ACAD9: variants seen among roughly 807,000 people sequenced by gnomAD.
ACAD9 encodes complex I assembly factor ACAD9, mitochondrial.
A neutral mutation model predicts 70.2 loss-of-function variants in ACAD9; 53 were observed. That is an observed-to-expected ratio of 0.75 (90% CI 0.61 to 0.95). The LOEUF is 0.95. Among genes scored for constraint, ACAD9 ranks in the 40% least tolerant of loss-of-function variants. The pLI, the probability that ACAD9 is intolerant of heterozygous loss-of-function variation, is 0.00. For missense variants in ACAD9, 777 were observed against 802.8 expected, an observed-to-expected ratio of 0.97 and a Z score of 0.39; for synonymous variants, 313 against 312.1, an observed-to-expected ratio of 1.00 and a Z score of -0.03.
Position 128,881,863 on chromosome 3 carries a change from A to G in ACAD9, c.150+2022A>G, listed in dbSNP as rs115020867. The stretch of plus-strand genomic sequence containing the variant: ...CGCTAAACAGTGACCAGTGTTTCCA[A>G]CTAGCCAAGTTGGAATTTACTAAGG... On this transcript the variant is annotated intron_variant, in intron 1 of 17. Coordinates refer to ENST00000308982, the MANE Select transcript of ACAD9 (RefSeq NM_014049.5). Among the ~76,000 whole-genome samples the G allele has an allele frequency of 5.5e-3, 843 of 152,292 alleles. 8 individuals are homozygous for G. Among genetic ancestry groups the G allele is most frequent in the African/African-American group, 0.019 (800 of 41,562 alleles).
At chr3:128,909,966 A>C in intron 15 of ACAD9, 55 bp from the exon 16 acceptor site, 1 of 1,603,814 alleles carries the variant, frequency 6.2e-7, no homozygotes, top group South Asian at 1.1e-5. Flanking sequence ...GGGAGGGACC[A>C]TGTGGGGGAC....
rs2107657717 is a variant in ACAD9, at chr3:128,904,072, T to TG, written c.970dup (p.Glu324GlyfsTer10). ...TCTGCTCTTCCTCAGAAATGACTGC[T>TG]GAGTACGCCTGCACAAGGAAACAGT... On this transcript the variant is annotated frameshift_variant, in exon 10 of 18. Transcript: ENST00000308982. LOFTEE classifies it high-confidence loss of function. The TG allele has an allele frequency of 1.2e-6, 2 of 1,614,234 alleles. No individual in the cohort carries two copies. The highest frequency in any genetic ancestry group is 1.7e-6 in the Non-Finnish European group (2 of 1,180,014).
At position 128,912,984 on chromosome 3, in the gene ACAD9, A is replaced by G. The variant is rs1191398940; in HGVS notation, c.*377A>G. On this transcript the variant is annotated 3_prime_UTR_variant, in exon 18 of 18. Transcript: ENST00000308982. ...TGTGGATAGCCATTTCTGCTCAACC[A>G]CACATTCTCTAAGAAACAGCTTGAA... 1.7e-5 allele frequency: 8 copies of G among 468,806 alleles called. No individual in the cohort carries two copies. The highest frequency in any genetic ancestry group is 3.4e-5 in the Non-Finnish European group (8 of 236,386). The allele number at this position is 468,806 out of a possible 1,614,324, so 29.0% of individuals were successfully genotyped here.
At position 128,903,953 on chromosome 3, in the gene ACAD9, G is replaced by A. The variant is rs1287703925; in HGVS notation, c.959-109G>A. Reference sequence around the variant, plus strand: ...TGGGGTATTTGACCTCAGCAGACACGCTTCTCACAGTGCCCACCTGTGGGA... The same window carrying A: ...TGGGGTATTTGACCTCAGCAGACACACTTCTCACAGTGCCCACCTGTGGGA... On this transcript the variant is annotated intron_variant, in intron 9 of 17. Coordinates refer to ENST00000308982, the MANE Select transcript of ACAD9 (RefSeq NM_014049.5). The A allele has an allele frequency of 3.0e-5, 35 of 1,166,202 alleles. No homozygotes were observed. In the Admixed American group the frequency reaches 3.2e-4, roughly 11 times the overall value. 72.2% of individuals were successfully genotyped at this position (1,166,202 alleles called of 1,614,324 possible).
intron 7 of ACAD9, among the ~76,000 whole-genome samples, chr3:128,900,090 C>A (rs563717801): frequency 4.6e-5 from 7 of 152,078 alleles, no homozygotes; most frequent in Admixed American, 1.3e-4. Context: ...CACCACCACA[C>A]CTGGCTAATT....
intron 1 of ACAD9, among the ~76,000 whole-genome samples, chr3:128,883,073 GTTTT>G (rs58094285): frequency 1.4e-5 from 2 of 139,110 alleles, no homozygotes; most frequent in East Asian, 4.2e-4. Context: ...CCATCAGCTT[GTTTT>G]TTTTTTTTTT....
At chr3:128,904,174 G>T (rs907335041) in intron 10 of ACAD9, 42 bp downstream of exon 10, 2 of 1,605,302 alleles carry the variant, frequency 1.2e-6, no homozygotes, top group African/African-American at 2.7e-5. Flanking sequence ...TTCACTGTGT[G>T]ACATGAACGG....
intron 2 of ACAD9, among the ~76,000 whole-genome samples, chr3:128,891,051 C>T (rs1479460799): frequency 6.6e-6 from 1 of 151,986 alleles, no homozygotes; most frequent in Admixed American, 6.5e-5. Flanking sequence ...ACTATATTGG[C>T]CAGGCTGGTC....
chr3:128,906,554 G>T (rs745922875), intron 12 of ACAD9, among the ~76,000 whole-genome samples: 3 of 152,208 alleles, frequency 2.0e-5, no homozygotes, highest in Non-Finnish European at 4.4e-5. Context: ...AGAGTGTAAA[G>T]AGGCAGGGAG....
intron 17 of ACAD9, among the ~76,000 whole-genome samples, chr3:128,911,060 T>C (rs1440536199): frequency 6.6e-6 from 1 of 152,204 alleles, no homozygotes; most frequent in African/African-American, 2.4e-5. Context: ...TGTATGTATG[T>C]ATGTATTTAT....
Position 128,912,606 on chromosome 3 carries a change from G to A in ACAD9, c.1865G>A (p.Ter622=). 2 of 1,613,876 alleles carry A rather than the reference G, an allele frequency of 1.2e-6. No homozygotes were observed. Residue 622 remains the stop codon, a stop_retained_variant, in exon 18 of 18, where the codon TGA becomes TAA. Coordinates refer to ENST00000308982, the MANE Select transcript of ACAD9 (RefSeq NM_014049.5). ...GCCCACCCTCTGGACAGGACATGCT[G>A]AGGCAGGGGACAGTGTCCCCTGCTA... ...ICAHPLDRTC[*] is the part of the protein sequence containing the mutation.
intron 16 of ACAD9, 118 bp downstream of exon 16, chr3:128,910,267 C>T (rs1212168975): frequency 1.4e-5 from 22 of 1,542,484 alleles, no homozygotes; most frequent in Non-Finnish European, 1.8e-5. Flanking sequence ...TGCAGGTTCA[C>T]CATGCGGTGG....
At chr3:128,893,894 G>A (rs898271151) in intron 3 of ACAD9, among the ~76,000 whole-genome samples, 3 of 152,220 alleles carry the variant, frequency 2.0e-5, no homozygotes, top group African/African-American at 7.2e-5. Flanking sequence ...GCACATCGAG[G>A]TGGGAGATTG....
At chr3:128,898,785 C>T (rs375188115) in intron 6 of ACAD9, among the ~76,000 whole-genome samples, 2 of 152,140 alleles carry the variant, frequency 1.3e-5, no homozygotes, top group Non-Finnish European at 2.9e-5. Context: ...GAATTAAGAT[C>T]CACACAAGTC....
chr3:128,889,524 G>C (rs975661585), intron 2 of ACAD9, among the ~76,000 whole-genome samples: 3 of 152,196 alleles, frequency 2.0e-5, no homozygotes, highest in African/African-American at 7.2e-5. Flanking sequence ...AAGTTTCCTT[G>C]TGCCTCTTTT....
At chr3:128,891,184 A>G (rs1259824298) in intron 2 of ACAD9, among the ~76,000 whole-genome samples, 1 of 152,168 alleles carries the variant, frequency 6.6e-6, no homozygotes, top group Non-Finnish European at 1.5e-5. Flanking sequence ...TTACCCATGT[A>G]GTTACTGATT....
At chr3:128,885,576 T>C (rs1164744207) in intron 2 of ACAD9, among the ~76,000 whole-genome samples, 1 of 152,146 alleles carries the variant, frequency 6.6e-6, no homozygotes, top group African/African-American at 2.4e-5. Context: ...GTATTTTTCA[T>C]AGAGACAGGT....
chr3:128,906,059 C>T, intron 11 of ACAD9, 62 bp from the exon 12 acceptor site: 1 of 1,612,216 alleles, frequency 6.2e-7, no homozygotes, highest in African/African-American at 1.3e-5. Flanking sequence ...GCCTCCCCAG[C>T]CACCCAGCTC....
At chr3:128,893,407 G>GCCAAA in intron 2 of ACAD9, 148 bp from the exon 3 acceptor site, 2 of 654,748 alleles carry the variant, frequency 3.1e-6, no homozygotes, top group Non-Finnish European at 5.3e-6. Flanking sequence ...TTGAACACAG[G>GCCAAA]CCAAATGACC....
Sources: gnomAD v4.1 joint callset for allele counts (sites outside exome capture counted in the v4.1 genomes callset) on GRCh38, gnomAD v4.1.1 for gene constraint, MANE v1.5 for transcripts, NCBI Gene and HGNC (gene_info 2026-07-23, HGNC 2026-07-21) for gene names.